The following AP2S1 variants were observed in gnomAD, a reference collection of about 807,000 sequenced individuals.
The protein encoded by AP2S1 is AP-2 complex subunit sigma.
AP2S1 carries 6 observed loss-of-function variants against 21.0 expected under a neutral mutation model. The ratio of observed to expected loss-of-function variants is 0.29; its 90% CI spans 0.16 to 0.56. The LOEUF is 0.56. Ranked by LOEUF, AP2S1 falls within the 20% of genes least tolerant of loss-of-function variation. The pLI is 0.92. For missense variants in AP2S1, 60 were observed against 186.2 expected (o/e 0.32, Z 3.95); for synonymous variants, 63 against 74.6 (o/e 0.84, Z 0.80).
rs2055630814 is a variant in AP2S1, at chr19:46,846,213, C to T, written c.4-71G>A. 10 of 1,576,526 alleles carry T rather than the reference C, an allele frequency of 6.3e-6. No homozygotes were observed. The Admixed American group carries it at 1.4e-4, about 21-fold the overall frequency. On this transcript the variant is annotated intron_variant, in intron 1 of 4. Coordinates refer to ENST00000263270, the MANE Select transcript of AP2S1 (RefSeq NM_004069.6). ...GGCGGGTTGGGTGCTGCCCAACGGC[C>T]CCACCCATCCACCCAGAGGGGAGAT...
chr19:46,840,537 G>A (rs1462887053), intron 2 of AP2S1, among the ~76,000 whole-genome samples: 1 of 151,576 alleles, frequency 6.6e-6, no homozygotes, highest in African/African-American at 2.4e-5. Context: ...CTACTCGGGA[G>A]GCTGAGGTGG....
chr19:46,850,223 C>A lies in AP2S1; in HGVS notation c.3+541G>T, dbSNP rs1010031253. 11 of 1,232,600 alleles carry A rather than the reference C, an allele frequency of 8.9e-6. No individual in the cohort carries two copies. The African/African-American group carries it at 1.4e-4, about 16-fold the overall frequency. The allele number at this position is 1,232,600 out of a possible 1,614,324, so 76.4% of individuals were successfully genotyped here. A position where few individuals can be genotyped will look rare whatever the true frequency, so the allele number is the denominator to read the frequency against. On this transcript the variant is annotated intron_variant, in intron 1 of 4. Transcript: ENST00000263270. ...CTCCTTTTGGTTTCCTGTGCCAGGTCTCTTCTTGAGATCATCCCTCTCTCA... is the reference window on the plus strand; with the variant it reads ...CTCCTTTTGGTTTCCTGTGCCAGGTATCTTCTTGAGATCATCCCTCTCTCA...
intron 2 of AP2S1, among the ~76,000 whole-genome samples, chr19:46,842,042 G>A (rs1255690320): frequency 6.6e-6 from 1 of 152,112 alleles, no homozygotes; most frequent in Non-Finnish European, 1.5e-5. Flanking sequence ...TTAGTTGGGC[G>A]TGGTGGCAGG....
At chr19:46,841,272 G>A (rs1440713433) in intron 2 of AP2S1, among the ~76,000 whole-genome samples, 2 of 152,146 alleles carry the variant, frequency 1.3e-5, no homozygotes, top group African/African-American at 4.8e-5. Flanking sequence ...TGTGATTACA[G>A]TAAGGCCTAC....
chr19:46,850,160 G>A (rs1001970176), intron 1 of AP2S1: 7 of 1,232,164 alleles, frequency 5.7e-6, no homozygotes, highest in Non-Finnish European at 6.1e-6. Context: ...CTTTTACAGC[G>A]CTTTCCCAGA....
intron 1 of AP2S1, among the ~76,000 whole-genome samples, chr19:46,848,307 G>C (rs576421750): frequency 1.3e-5 from 2 of 152,278 alleles, no homozygotes; most frequent in Admixed American, 1.3e-4. Context: ...TTGAACCCAG[G>C]AGGCAGAGGT....
chr19:46,843,086 T>G (rs955972662), intron 2 of AP2S1, among the ~76,000 whole-genome samples: 4 of 152,184 alleles, frequency 2.6e-5, no homozygotes, highest in African/African-American at 7.2e-5. Context: ...GCCCTTCCCA[T>G]CTGCCCATAT....
intron 1 of AP2S1, chr19:46,850,292 C>T (rs1331751574): frequency 4.0e-6 from 5 of 1,235,992 alleles, no homozygotes; most frequent in Non-Finnish European, 5.1e-6. Flanking sequence ...TCTCCACCTG[C>T]AATCAGATCC....
intron 2 of AP2S1, among the ~76,000 whole-genome samples, chr19:46,841,675 A>G (rs911796113): frequency 1.5e-4 from 23 of 152,218 alleles, no homozygotes; most frequent in Non-Finnish European, 7.3e-5. Context: ...TGCCCTGCAA[A>G]GGGCTGGCAC....
chr19:46,844,071 C>T (rs1322033904), intron 2 of AP2S1, among the ~76,000 whole-genome samples: 3 of 151,962 alleles, frequency 2.0e-5, no homozygotes, highest in Admixed American at 6.6e-5. Context: ...CGACCAGGCC[C>T]GGCTAATTTT....
chr19:46,838,445 C>T lies in AP2S1; in HGVS notation c.*2G>A. 6.2e-7 allele frequency: 1 copy of T among 1,614,074 alleles called. No individual in the cohort carries two copies. Among genetic ancestry groups the T allele is most frequent in the African/African-American group, 1.3e-5 (1 of 75,056 alleles). ...CGGGGCCGGGGTGGGGCTCGCCTGC[C>T]CTCACTCCAGGGACTGTAGCATCAG... On this transcript the variant is annotated 3_prime_UTR_variant, in exon 5 of 5. Transcript: ENST00000263270. The surrounding 1 kb of genome is among the most constrained non-coding windows in gnomAD (Gnocchi z 4.1).
At chr19:46,839,605 C>A (rs552764278) in intron 2 of AP2S1, 27 bp from the exon 3 acceptor site, 20 of 1,613,986 alleles carry the variant, frequency 1.2e-5, no homozygotes, top group Non-Finnish European at 1.6e-5. Flanking sequence ...CTGTCAGCAA[C>A]GGAGATTGCC....
chr19:46,850,674 A>C (rs1265647013), intron 1 of AP2S1, 90 bp downstream of exon 1: 4 of 1,190,488 alleles, frequency 3.4e-6, no homozygotes, highest in African/African-American at 1.5e-5. Flanking sequence ...TCCGCGGCAG[A>C]GAAGGGACTT....
At chr19:46,846,227 C>T in intron 1 of AP2S1, 85 bp from the exon 2 acceptor site, 1 of 1,542,496 alleles carries the variant, frequency 6.5e-7, no homozygotes, top group Non-Finnish European at 8.8e-7. Context: ...CCCATCCACC[C>T]AGAGGGGAGA....
At position 46,841,557 on chromosome 19, in the gene AP2S1, T is replaced by C. The variant is rs569408576; in HGVS notation, c.154-1979A>G. Among the ~76,000 whole-genome samples the C allele has an allele frequency of 3.3e-5, 5 of 152,252 alleles. No individual in the cohort carries two copies. The East Asian group carries it at 9.7e-4, about 29-fold the overall frequency. On this transcript the variant is annotated intron_variant, in intron 2 of 4. Transcript: ENST00000263270. ...CCACGCCACTGCCCCACCCCTGCCC[T>C]GCCCCAGCCTGACCACTGCTGGTCG...
In AP2S1 at chr19:46,838,208, A is replaced by G. The variant is rs186474446; in HGVS notation, c.*239T>C. 9.6e-4 allele frequency: 544 copies of G among 563,878 alleles called. 4 individuals carry two copies. The highest frequency in any genetic ancestry group is 9.3e-3 in the African/African-American group (495 of 53,178). The allele number at this position is 563,878 out of a possible 1,614,324, so 34.9% of individuals were successfully genotyped here. On this transcript the variant is annotated 3_prime_UTR_variant, in exon 5 of 5. Coordinates refer to ENST00000263270, the MANE Select transcript of AP2S1 (RefSeq NM_004069.6). This position sits in a 1 kb window ranked among gnomAD's most constrained non-coding sequence, Gnocchi z 4.1. Reference sequence around the variant, plus strand: ...GGTTTATTGGGGACTCCACGCACAGACGCTTATGGCATCACACGACAACGG... The same window carrying G: ...GGTTTATTGGGGACTCCACGCACAGGCGCTTATGGCATCACACGACAACGG...
chr19:46,846,940 T>C (rs2055646270), intron 1 of AP2S1, among the ~76,000 whole-genome samples: 1 of 152,116 alleles, frequency 6.6e-6, no homozygotes, highest in Non-Finnish European at 1.5e-5. Context: ...TGTGGGGTTA[T>C]AGGCATGGGC....
intron 2 of AP2S1, among the ~76,000 whole-genome samples, chr19:46,844,921 G>A (rs1403418235): frequency 5.9e-5 from 9 of 151,994 alleles, no homozygotes; most frequent in Admixed American, 4.6e-4. Flanking sequence ...GACCAACATG[G>A]TGAAACCCCA....
At chr19:46,839,870 G>A (rs561801501) in intron 2 of AP2S1, among the ~76,000 whole-genome samples, 6 of 152,182 alleles carry the variant, frequency 3.9e-5, no homozygotes, top group African/African-American at 1.4e-4. Context: ...GGGGGTATCG[G>A]AGCTGAGAGC....
Sources: gnomAD v4.1 joint callset for allele counts (sites outside exome capture counted in the v4.1 genomes callset) on GRCh38, gnomAD v4.1.1 for gene constraint, Gnocchi (gnomAD v3.1) non-coding constraint, MANE v1.5 for transcripts, NCBI Gene and HGNC (gene_info 2026-07-23, HGNC 2026-07-21) for gene names.